The following DRC4 variants were observed in gnomAD, a reference collection of about 807,000 sequenced individuals.
The protein encoded by DRC4 is GAS-11.
the DRC4 span, chr16:90,042,369 A>G: frequency 6.7e-6 from 6 of 897,796 alleles, no homozygotes; most frequent in East Asian, 9.9e-5. Context: ...CCAGGCTGCT[A>G]TTCGCTGGAT....
chr16:90,025,026 T>C, the DRC4 span, among the ~76,000 whole-genome samples: 4 of 151,000 alleles, frequency 2.6e-5, no homozygotes, highest in East Asian at 7.9e-4. Context: ...TCTTTTTTTT[T>C]TTTTTTTTGA....
the DRC4 span, among the ~76,000 whole-genome samples, chr16:90,033,359 G>T: frequency 2.6e-5 from 4 of 152,116 alleles, no homozygotes; most frequent in African/African-American, 9.7e-5. Context: ...GGGTTTCCAG[G>T]GCACCATTAA....
At chr16:90,033,200 C>A in the DRC4 span, among the ~76,000 whole-genome samples, 1 of 152,176 alleles carries the variant, frequency 6.6e-6, no homozygotes, top group African/African-American at 2.4e-5. Flanking sequence ...GTGCTGCTGA[C>A]ACCTGACACC....
At chr16:90,028,961 C>T in the DRC4 span, 2 of 1,304,078 alleles carry the variant, frequency 1.5e-6, no homozygotes, top group Non-Finnish European at 2.0e-6. Flanking sequence ...GCAGTTTAAG[C>T]CAGTGGCTAA....
At chr16:90,029,155 G>A in the DRC4 span, 2 of 1,349,160 alleles carry the variant, frequency 1.5e-6, no homozygotes, top group African/African-American at 3.0e-5. Context: ...GCAGCCTACG[G>A]GGCAGGCTAC....
chr16:90,037,421 T>C, the DRC4 span: 2 of 1,596,958 alleles, frequency 1.3e-6, no homozygotes, highest in South Asian at 1.1e-5. Context: ...GCTGGATTCC[T>C]CTCCCTCCTT....
At chr16:90,036,236 T>A in the DRC4 span, 3 of 713,214 alleles carry the variant, frequency 4.2e-6, no homozygotes, top group African/African-American at 5.3e-5. Context: ...TCTAAACCCC[T>A]TTGTTCTTCT....
At chr16:90,022,637 G>A in the DRC4 span, 1 of 1,363,414 alleles carries the variant, frequency 7.3e-7, no homozygotes, top group Non-Finnish European at 9.6e-7. Context: ...TCGCGGCATC[G>A]CCCAGCGGTT....
At chr16:90,036,525 A>G in the DRC4 span, 2 of 1,611,360 alleles carry the variant, frequency 1.2e-6, no homozygotes, top group South Asian at 1.1e-5. Context: ...GCCTTCACCG[A>G]CATTAAGAAC....
At chr16:90,022,892 A>G in the DRC4 span, among the ~76,000 whole-genome samples, 3 of 152,030 alleles carry the variant, frequency 2.0e-5, no homozygotes, top group Non-Finnish European at 4.4e-5. Context: ...CAAACTCAGG[A>G]TGCTCCCGGC....
chr16:90,033,003 C>G, the DRC4 span: 2 of 1,204,798 alleles, frequency 1.7e-6, no homozygotes, highest in Non-Finnish European at 2.4e-6. Context: ...CCTGTTTATT[C>G]AACAGCAACT....
the DRC4 span, chr16:90,028,815 C>G: frequency 4.2e-6 from 3 of 710,116 alleles, no homozygotes; most frequent in South Asian, 1.8e-5. Flanking sequence ...TAAATCTTAC[C>G]TTCTTTTGAT....
the DRC4 span, among the ~76,000 whole-genome samples, chr16:90,033,207 C>T: frequency 1.3e-5 from 2 of 152,172 alleles, no homozygotes; most frequent in Admixed American, 1.3e-4. Context: ...TGACACCTGA[C>T]ACCCAGAGAC....
the DRC4 span, chr16:90,044,776 G>C: frequency 2.7e-6 from 1 of 367,176 alleles, no homozygotes; most frequent in African/African-American, 2.1e-5. Flanking sequence ...TGCAGTTCCA[G>C]AGCAGTCTAG....
At chr16:90,044,243 AAG>A in the DRC4 span, 4 of 451,722 alleles carry the variant, frequency 8.9e-6, no homozygotes, top group Admixed American at 2.5e-5. Flanking sequence ...TCTGTCAACA[AAG>A]AGGGGATGAA....
the DRC4 span, among the ~76,000 whole-genome samples, chr16:90,039,589 G>T: frequency 6.6e-6 from 1 of 151,992 alleles, no homozygotes; most frequent in Admixed American, 6.6e-5. Flanking sequence ...GTTTCACTCT[G>T]TTGGCCAGGC....
chr16:90,035,937 G>T, the DRC4 span: 1 of 1,415,608 alleles, frequency 7.1e-7, no homozygotes, highest in Non-Finnish European at 9.2e-7. Context: ...AAAATCAGTA[G>T]TTATCAGCAG....
chr16:90,036,948 A>C, the DRC4 span: 2 of 556,412 alleles, frequency 3.6e-6, no homozygotes, highest in African/African-American at 3.8e-5. Context: ...TCGTCACTGC[A>C]TGCTGGCAGT....
At chr16:90,027,230 C>T in the DRC4 span, among the ~76,000 whole-genome samples, 14 of 152,060 alleles carry the variant, frequency 9.2e-5, no homozygotes, top group South Asian at 1.0e-3. Context: ...GGACTACAGG[C>T]GCCCACCGGC....
Sources: gnomAD v4.1 joint callset for allele counts (sites outside exome capture counted in the v4.1 genomes callset) on GRCh38, gnomAD v4.1.1 for gene constraint, MANE v1.5 for transcripts, NCBI Gene and HGNC (gene_info 2026-07-23, HGNC 2026-07-21) for gene names.